PPP1R42: variants seen among roughly 807,000 people sequenced by gnomAD.
PPP1R42 encodes the protein protein phosphatase 1 regulatory subunit 42.
In PPP1R42, 34 loss-of-function variants were observed where a neutral mutation model predicts 31.0. That is an observed-to-expected ratio of 1.10 (90% CI 0.83 to 1.46). PPP1R42 has a LOEUF of 1.46. Among genes scored for constraint, PPP1R42 ranks in the 40% most tolerant of loss-of-function variants. PPP1R42 has a pLI of 0.00. For missense variants in PPP1R42, 268 were observed against 303.0 expected (o/e 0.88, Z 0.86); for synonymous variants, 103 against 109.8 (o/e 0.94, Z 0.39).
At chr8:66,983,058 G>T (rs931066776) in intron 6 of PPP1R42, among the ~76,000 whole-genome samples, 66 of 152,056 alleles carry the variant, frequency 4.3e-4, no homozygotes, top group Non-Finnish European at 8.8e-5. Context: ...TTACAGAGGT[G>T]TGATAGAAAT....
At chr8:67,003,876 G>A (rs986588512) in intron 5 of PPP1R42, among the ~76,000 whole-genome samples, 1 of 152,184 alleles carries the variant, frequency 6.6e-6, no homozygotes, top group African/African-American at 2.4e-5. Context: ...GGATCACAAG[G>A]TCAGGAGATT....
chr8:66,999,913 C>G (rs1815434908), intron 5 of PPP1R42, among the ~76,000 whole-genome samples: 4 of 152,100 alleles, frequency 2.6e-5, no homozygotes, highest in Admixed American at 2.6e-4. Flanking sequence ...TACAACATTC[C>G]CTTCTTATCC....
At chr8:66,997,385 A>T (rs1185371152) in intron 5 of PPP1R42, among the ~76,000 whole-genome samples, 1 of 151,826 alleles carries the variant, frequency 6.6e-6, no homozygotes, top group African/African-American at 2.4e-5. Context: ...CTGCTGTCTC[A>T]ACCTCCTGGG....
intron 5 of PPP1R42, among the ~76,000 whole-genome samples, chr8:66,997,678 C>T (rs1387422073): frequency 6.6e-6 from 1 of 151,334 alleles, no homozygotes; most frequent in East Asian, 1.9e-4. Flanking sequence ...TTTTGGGTAG[C>T]TGGTACTATA....
At chr8:66,968,707 A>C (rs1306194123) in intron 7 of PPP1R42, among the ~76,000 whole-genome samples, 3 of 152,138 alleles carry the variant, frequency 2.0e-5, no homozygotes, top group Admixed American at 2.0e-4. Context: ...AATCTGTATC[A>C]AGAGTTTGAT....
At chr8:66,985,788 G>A (rs1814990899) in intron 6 of PPP1R42, 7 of 1,219,748 alleles carry the variant, frequency 5.7e-6, no homozygotes, top group Middle Eastern at 1.9e-4. Flanking sequence ...ATTTTGCTGC[G>A]TCCATCATCT....
chr8:67,019,237 CTTT>C (rs1186280936), intron 1 of PPP1R42, among the ~76,000 whole-genome samples: 2,134 of 91,526 alleles, frequency 0.023, 38 homozygotes, highest in African/African-American at 0.077. Flanking sequence ...TTATGAGCAT[CTTT>C]TTTTTTTTTT....
intron 6 of PPP1R42, among the ~76,000 whole-genome samples, chr8:66,986,899 C>T (rs1405538973): frequency 6.6e-6 from 1 of 152,110 alleles, no homozygotes. Flanking sequence ...GCCGGTGGCT[C>T]ATGTTTGTAA....
At chr8:67,009,163 G>A (rs1404401471) in intron 5 of PPP1R42, among the ~76,000 whole-genome samples, 6 of 152,094 alleles carry the variant, frequency 3.9e-5, no homozygotes, top group African/African-American at 1.2e-4. Flanking sequence ...CCAGCTACTC[G>A]GGAGGCTGAG....
In PPP1R42 at chr8:67,007,994, C is replaced by T. The variant is rs575378852; in HGVS notation, c.552+2721G>A. On this transcript the variant is annotated intron_variant, in intron 5 of 7. Transcript: ENST00000685739. ...CTTCGCCTCCCAGGTTCAAGTGATT[C>T]TCCTGCCCCAGCCTCCCAAGTATCT... is the stretch of plus-strand genomic sequence containing the variant. 1.1e-3 allele frequency among the ~76,000 whole-genome samples: 166 copies of T among 147,012 alleles called. 1 individual carries two copies. The highest frequency in any genetic ancestry group is 1.6e-3 in the Non-Finnish European group (111 of 67,438).
intron 5 of PPP1R42, among the ~76,000 whole-genome samples, chr8:67,009,201 C>G (rs796638013): frequency 6.6e-6 from 1 of 151,916 alleles, no homozygotes; most frequent in Admixed American, 6.6e-5. Flanking sequence ...ACCTGGGAGG[C>G]GGAGGTTTCA....
Position 66,982,168 on chromosome 8 carries a change from C to A in PPP1R42, c.683G>T (p.Gly228Val). ...LVSKSLEFLD[G>V]KEIKNIERQF... ...TCTTTCTATATTTTTAATTTCTTTT[C>A]CATCAAGAAATTCTGGAGAAAAATA... The change falls in exon 7 of 8, where the codon GGA becomes GTA. Residue 228 changes from glycine (G) to valine (V), a missense_variant. Physicochemically the swap from Gly to Val is moderately radical, Grantham distance 109 (BLOSUM62 -3). Transcript: ENST00000685739. 7.0e-7 allele frequency: 1 copy of A among 1,420,962 alleles called. No individual in the cohort carries two copies. Among genetic ancestry groups the A allele is most frequent in the Non-Finnish European group, 9.2e-7 (1 of 1,090,112 alleles). 88.0% of individuals were successfully genotyped at this position (1,420,962 alleles called of 1,614,324 possible). A position where few individuals can be genotyped will look rare whatever the true frequency, so the allele number is the denominator to read the frequency against.
chr8:66,991,265 G>A (rs117764162), intron 5 of PPP1R42, among the ~76,000 whole-genome samples: 35 of 152,160 alleles, frequency 2.3e-4, no homozygotes, highest in Non-Finnish European at 4.7e-4. Context: ...ATATAATGCT[G>A]GCCCTAGTGA....
chr8:66,964,126 G>A lies in PPP1R42; in HGVS notation c.*195C>T. 1 of 407,024 alleles carries A rather than the reference G, an allele frequency of 2.5e-6. No individual in the cohort carries two copies. The highest frequency in any genetic ancestry group is 4.7e-6 in the Non-Finnish European group (1 of 212,132). 25.2% of individuals were successfully genotyped at this position (407,024 alleles called of 1,614,324 possible). A position where few individuals can be genotyped will look rare whatever the true frequency, so the allele number is the denominator to read the frequency against. On this transcript the variant is annotated 3_prime_UTR_variant, in exon 8 of 8. Coordinates refer to ENST00000685739, the MANE Select transcript of PPP1R42 (RefSeq NM_001364910.1). ...ACTTAAAAGTTTTTCCTTATATTAT[G>A]AGATACCATAAAGCTACAAACCCAC... is the stretch of plus-strand genomic sequence containing the variant.
At chr8:67,001,527 C>G (rs1206390708) in intron 5 of PPP1R42, among the ~76,000 whole-genome samples, 1 of 150,832 alleles carries the variant, frequency 6.6e-6, no homozygotes, top group Non-Finnish European at 1.5e-5. Context: ...CTTTTCTTTT[C>G]CTATCCCCTA....
chr8:66,989,382 A>G (rs1018977723), intron 5 of PPP1R42, among the ~76,000 whole-genome samples: 4 of 152,098 alleles, frequency 2.6e-5, no homozygotes, highest in Non-Finnish European at 4.4e-5. Flanking sequence ...CTTCCTCAGT[A>G]CTTTGTCTGT....
chr8:67,004,898 C>T (rs1475386996), intron 5 of PPP1R42, among the ~76,000 whole-genome samples: 1 of 152,110 alleles, frequency 6.6e-6, no homozygotes, highest in Non-Finnish European at 1.5e-5. Flanking sequence ...GGCATTTTCC[C>T]TCTGAAACTC....
In PPP1R42 at chr8:67,001,359, A is replaced by T. The variant is rs182889808; in HGVS notation, c.552+9356T>A. Among the ~76,000 whole-genome samples, 33 of 139,476 alleles carry T rather than the reference A, an allele frequency of 2.4e-4. 1 individual carries two copies. The highest frequency in any genetic ancestry group is 2.0e-4 in the East Asian group (1 of 5,022). 91.5% of individuals were successfully genotyped at this position (139,476 alleles called of 152,430 possible). A position where few individuals can be genotyped will look rare whatever the true frequency, so the allele number is the denominator to read the frequency against. On this transcript the variant is annotated intron_variant, in intron 5 of 7. Transcript: ENST00000685739. ...ACCATGCCCGGTTAAGATTGGATTT[A>T]AAAAAAAATCCGGTCCTACTATCTC...
intron 6 of PPP1R42, 34 bp from the exon 7 acceptor site, chr8:66,982,214 T>C (rs939154481): frequency 5.5e-6 from 6 of 1,097,290 alleles, no homozygotes; most frequent in Non-Finnish European, 7.3e-6. Context: ...AAAAATACAA[T>C]ATATACATAT....
Sources: allele counts gnomAD v4.1 joint callset (sites outside exome capture counted in the v4.1 genomes callset), GRCh38; gene constraint gnomAD v4.1.1; transcripts MANE v1.5; gene names NCBI Gene and HGNC (gene_info 2026-07-23, HGNC 2026-07-21).